The following SMG6 variants were observed in gnomAD, a reference collection of about 807,000 sequenced individuals.
The protein encoded by SMG6 is telomerase-binding protein EST1A.
In SMG6, 66 loss-of-function variants were observed where a neutral mutation model predicts 142.2. That is an observed-to-expected ratio of 0.46 (90% CI 0.38 to 0.57). The LOEUF (loss-of-function observed/expected upper bound fraction) is 0.57. Ranked by LOEUF, SMG6 falls within the 20% of genes least tolerant of loss-of-function variation. The probability of loss-of-function intolerance (pLI) is 0.00; values close to 1 mark genes in which losing one functional copy is unlikely to be tolerated. For synonymous variants in SMG6, 779 were observed against 702.4 expected, an observed-to-expected ratio of 1.11 and a Z score of -1.72; for missense variants, 1,793 against 1,832.0, an observed-to-expected ratio of 0.98 and a Z score of 0.39.
intron 13 of SMG6, among the ~76,000 whole-genome samples, chr17:2,134,613 C>CT (rs1271405891): frequency 6.6e-6 from 1 of 151,860 alleles, no homozygotes; most frequent in African/African-American, 2.4e-5. Context: ...TTTAAGAAGT[C>CT]TATGAAAGGA....
Position 2,068,167 on chromosome 17 carries a change from T to C in SMG6, c.3835+611A>G, listed in dbSNP as rs536007534. Reference sequence around the variant, plus strand: ...CTGGCTAGAGGGTGGGAAAGCAAGCTAGCTGGGTCCTGAGATGCTGACCCT... The same window carrying C: ...CTGGCTAGAGGGTGGGAAAGCAAGCCAGCTGGGTCCTGAGATGCTGACCCT... On this transcript the variant is annotated intron_variant, in intron 16 of 18. Transcript: ENST00000263073. This position sits in a 1 kb window ranked among gnomAD's most constrained non-coding sequence, Gnocchi z 6.7. Among the ~76,000 whole-genome samples, 1 of 152,194 alleles carries C rather than the reference T, an allele frequency of 6.6e-6. No homozygotes were observed. Among genetic ancestry groups the C allele is most frequent in the African/African-American group, 2.4e-5 (1 of 41,532 alleles).
intron 13 of SMG6, among the ~76,000 whole-genome samples, chr17:2,146,346 G>C (rs1401030732): frequency 2.0e-5 from 3 of 152,160 alleles, no homozygotes; most frequent in Non-Finnish European, 4.4e-5. Flanking sequence ...TCAGAGACTT[G>C]ACCCTTGCCC....
In SMG6 at chr17:2,186,731, C is replaced by A. The variant is rs758155675; in HGVS notation, c.3087G>T (p.Trp1029Cys). Reference protein sequence around the residue: ...LKELLPSVKVWSDWMLGYPDT... With the variant: ...LKELLPSVKVCSDWMLGYPDT... ...CCGGGTAGCCGAGCATCCAATCTGA[C>A]CAGACTTTGACACTGGGGAGCAGCT... Residue 1029 changes from tryptophan to cysteine, a missense_variant, in exon 12 of 19, where the codon TGG becomes TGT. This residue lies in a region of SMG6 where 1,597 missense variants were observed against 1,584.6 expected (regional missense o/e 1.01). Coordinates refer to ENST00000263073, the MANE Select transcript of SMG6 (RefSeq NM_017575.5). The A allele has an allele frequency of 1.7e-5, 28 of 1,614,180 alleles. No individual in the cohort carries two copies. The South Asian group carries it at 2.9e-4, about 16-fold the overall frequency.
In SMG6 at chr17:2,300,993, T is replaced by C. The variant is rs77331401; in HGVS notation, c.89-329A>G. ...CCAAGATCCCAAACTACCTCATTAT[T>C]GTCAGAACAAAAGACCTCTCTAACC... On this transcript the variant is annotated intron_variant, in intron 1 of 18. Coordinates refer to ENST00000263073, the MANE Select transcript of SMG6 (RefSeq NM_017575.5). 2.2e-3 allele frequency among the ~76,000 whole-genome samples: 340 copies of C among 152,328 alleles called. 5 individuals are homozygous for C. Among genetic ancestry groups the C allele is most frequent in the African/African-American group, 7.4e-3 (307 of 41,578 alleles).
chr17:2,127,965 C>T, intron 13 of SMG6: 1 of 541,864 alleles, frequency 1.8e-6, no homozygotes, highest in Non-Finnish European at 3.6e-6. Context: ...GAGTAGCAAA[C>T]CCATGGTCTT....
chr17:2,244,798 C>T, intron 8 of SMG6, 79 bp from the exon 9 acceptor site: 3 of 1,226,322 alleles, frequency 2.4e-6, no homozygotes, highest in South Asian at 1.2e-5. Context: ...CCCAGTGACA[C>T]AATAACCTGG....
At chr17:2,277,024 G>A (rs933752674) in intron 8 of SMG6, among the ~76,000 whole-genome samples, 3 of 151,546 alleles carry the variant, frequency 2.0e-5, no homozygotes, top group Admixed American at 2.0e-4. Context: ...CAAGTGATCC[G>A]CCTGCCTCAG....
chr17:2,293,086 G>A (rs2075074492), intron 4 of SMG6, 109 bp from the exon 5 acceptor site: 9 of 758,958 alleles, frequency 1.2e-5, no homozygotes, highest in South Asian at 2.9e-5. Flanking sequence ...AGGCACTAGC[G>A]GTCCTCAACA....
chr17:2,141,252 C>T (rs1230837429), intron 13 of SMG6, among the ~76,000 whole-genome samples: 4 of 152,138 alleles, frequency 2.6e-5, no homozygotes, highest in African/African-American at 4.8e-5. Flanking sequence ...TATAATATTT[C>T]GCAGCACTGG....
chr17:2,185,917 G>A (rs2071967865), intron 12 of SMG6, among the ~76,000 whole-genome samples: 1 of 152,160 alleles, frequency 6.6e-6, no homozygotes, highest in African/African-American at 2.4e-5. Context: ...ACAAGCAGCA[G>A]TGAGAGAGCC....
intron 13 of SMG6, among the ~76,000 whole-genome samples, chr17:2,131,312 T>C (rs75942022): frequency 6.7e-6 from 1 of 149,036 alleles, no homozygotes; most frequent in African/African-American, 2.4e-5. Flanking sequence ...TTTTTTTTTT[T>C]TGAGACGGAG....
intron 13 of SMG6, among the ~76,000 whole-genome samples, chr17:2,141,565 T>C (rs1416814413): frequency 6.6e-6 from 1 of 151,892 alleles, no homozygotes; most frequent in Non-Finnish European, 1.5e-5. Context: ...CCTCAGCCAC[T>C]TGAATGGCTA....
intron 13 of SMG6, among the ~76,000 whole-genome samples, chr17:2,096,856 C>G (rs1474547247): frequency 6.6e-6 from 1 of 152,196 alleles, no homozygotes; most frequent in African/African-American, 2.4e-5. Flanking sequence ...CTAACCTCTC[C>G]CAAGTACACA....
chr17:2,143,678 T>C (rs1420025523), intron 13 of SMG6, among the ~76,000 whole-genome samples: 1 of 152,212 alleles, frequency 6.6e-6, no homozygotes, highest in Non-Finnish European at 1.5e-5. Context: ...ATGAATATAA[T>C]GAAACAACGG....
At chr17:2,242,687 TTTAAAAAAAA>T (rs1346083195) in intron 9 of SMG6, among the ~76,000 whole-genome samples, 1 of 45,412 alleles carries the variant, frequency 2.2e-5, no homozygotes, top group African/African-American at 7.5e-5. Flanking sequence ...GCTCCATCTC[TTTAAAAAAAA>T]AAAAAAAAAA....
At chr17:2,135,707 G>C (rs76239397) in intron 13 of SMG6, among the ~76,000 whole-genome samples, 2,612 of 152,154 alleles carry the variant, frequency 0.017, 69 homozygotes, top group African/African-American at 0.058. Context: ...CTGATTGATT[G>C]AAACAGTGTT....
chr17:2,124,414 TGTA>T (rs1348612643), intron 13 of SMG6, among the ~76,000 whole-genome samples: 1 of 152,210 alleles, frequency 6.6e-6, no homozygotes, highest in Non-Finnish European at 1.5e-5. Flanking sequence ...GAGAGACTGA[TGTA>T]GAGTAGTCAT....
chr17:2,195,792 T>C (rs2072305887), intron 10 of SMG6, among the ~76,000 whole-genome samples: 1 of 152,228 alleles, frequency 6.6e-6, no homozygotes, highest in African/African-American at 2.4e-5. Flanking sequence ...CTAAATGACC[T>C]GCCCAATAAC....
chr17:2,154,340 C>CG (rs1297827119), intron 13 of SMG6, among the ~76,000 whole-genome samples: 2 of 125,370 alleles, frequency 1.6e-5, no homozygotes, highest in South Asian at 2.8e-4. Context: ...GTGACGGTGA[C>CG]GGGGGGGAAT....
Sources: gnomAD v4.1 joint callset for allele counts (sites outside exome capture counted in the v4.1 genomes callset) on GRCh38, gnomAD v4.1.1 for gene constraint, gnomAD v4.1.1 regional missense constraint, Gnocchi (gnomAD v3.1) non-coding constraint, MANE v1.5 for transcripts, NCBI Gene and HGNC (gene_info 2026-07-23, HGNC 2026-07-21) for gene names.